The following F8 variants were observed in gnomAD, a reference collection of about 807,000 sequenced individuals.
F8 encodes the protein coagulation factor VIII, also known as antihemophilic factor.
F8 carries 12 observed loss-of-function variants against 140.6 expected under a neutral mutation model. The ratio of observed to expected loss-of-function variants is 0.09; its 90% CI spans 0.05 to 0.14. The LOEUF is 0.14. F8 is among the 10% of genes least tolerant of loss of function. F8 has a pLI of 1.00. For synonymous variants in F8, 585 were observed against 614.6 expected, an observed-to-expected ratio of 0.95 and a Z score of 0.71; for missense variants, 1,354 against 1,720.7, an observed-to-expected ratio of 0.79 and a Z score of 3.77.
chrX:154,935,624 C>G (rs1304421204), intron 13 of F8, among the ~76,000 whole-genome samples: 1 of 111,467 alleles, frequency 9.0e-6, no homozygotes, highest in Non-Finnish European at 1.9e-5. Flanking sequence ...TTGGGCTAGA[C>G]AAAGCCTTCC....
intron 14 of F8, among the ~76,000 whole-genome samples, chrX:154,910,518 C>G (rs1057249641): frequency 9.0e-6 from 1 of 111,583 alleles, no homozygotes; most frequent in African/African-American, 3.3e-5. Context: ...ACACGTGTAA[C>G]AAACCTGCAC....
intron 21 of F8, among the ~76,000 whole-genome samples, chrX:154,898,365 C>T (rs1445496062): frequency 8.9e-6 from 1 of 112,111 alleles, no homozygotes; most frequent in African/African-American, 3.2e-5. Context: ...GAAGATAAGG[C>T]GATTCAATAG....
At chrX:154,979,775 C>T (rs1202587690) in intron 6 of F8, among the ~76,000 whole-genome samples, 3 of 111,966 alleles carry the variant, frequency 2.7e-5, no homozygotes, top group Admixed American at 9.4e-5. Context: ...CATAGCAGGG[C>T]AGGATGTGTG....
At position 154,928,790 on chromosome X, in the gene F8, C is replaced by T. The variant is rs782342540; in HGVS notation, c.5000G>A (p.Arg1667Gln). 19 of 1,209,652 alleles carry T rather than the reference C, an allele frequency of 1.6e-5. No individual in the cohort carries two copies. In the East Asian group the frequency reaches 3.8e-4, roughly 24 times the overall value. Residue 1667 changes from arginine to glutamine, a missense_variant, in exon 14 of 26, where the codon CGG becomes CAG. This residue lies in a region of F8 where 658 missense variants were observed against 666.5 expected (regional missense o/e 0.99). Coordinates refer to ENST00000360256, the MANE Select transcript of F8 (RefSeq NM_000132.4). ...QNPPVLKRHQREITRTTLQSD... is the reference protein window; with the variant it reads ...QNPPVLKRHQQEITRTTLQSD... ...CTGAAGAGTAGTACGAGTTATTTCCCGTTGATGGCGTTTCAAGACTGGTGG... is the reference window on the plus strand; with the variant it reads ...CTGAAGAGTAGTACGAGTTATTTCCTGTTGATGGCGTTTCAAGACTGGTGG...
At chrX:154,908,302 T>A (rs2073048437) in intron 14 of F8, among the ~76,000 whole-genome samples, 1 of 112,583 alleles carries the variant, frequency 8.9e-6, no homozygotes, top group Admixed American at 9.4e-5. Context: ...TTTACCTGTT[T>A]GATTATCCCT....
intron 6 of F8, among the ~76,000 whole-genome samples, chrX:154,977,689 A>G (rs962741604): frequency 1.9e-5 from 2 of 107,981 alleles, no homozygotes; most frequent in Non-Finnish European, 3.8e-5. Context: ...CTATTTTTAA[A>G]TTTTTTTCTT....
chrX:154,876,062 AG>A (rs2072810059), intron 22 of F8, among the ~76,000 whole-genome samples: 1 of 109,742 alleles, frequency 9.1e-6, no homozygotes, highest in East Asian at 2.8e-4. Context: ...ACACTAAAAT[AG>A]GTATCAGTGT....
In F8 at chrX:154,863,235, G is replaced by C; in HGVS notation, c.6430-8C>G. On this transcript the variant is annotated splice_polypyrimidine_tract_variant and splice_region_variant and intron_variant, in intron 22 of 25. Transcript: ENST00000360256. ...CACATTGCCAAAGAAGACCTGTATG[G>C]AGAGATTAGCACAAATACATGGAAA... 8.3e-7 allele frequency: 1 copy of C among 1,205,816 alleles called. No homozygotes were observed. Among genetic ancestry groups the C allele is most frequent in the Non-Finnish European group, 1.1e-6 (1 of 889,965 alleles).
At position 154,939,918 on chromosome X, in the gene F8, C is replaced by A. The variant is rs1385916971; in HGVS notation, c.2113+7780G>T. Among the ~76,000 whole-genome samples the A allele has an allele frequency of 5.2e-4, 58 of 112,216 alleles. No homozygotes were observed. In the Admixed American group the frequency reaches 5.5e-3, roughly 11 times the overall value. On this transcript the variant is annotated intron_variant, in intron 13 of 25. Transcript: ENST00000360256. ...CCAGGCAAACAGGGTCTGGAGTGGA[C>A]CTCCAGCAAACTCCAACAGACCTGC...
chrX:154,994,423 T>C (rs1244835433), intron 3 of F8, among the ~76,000 whole-genome samples: 1 of 112,265 alleles, frequency 8.9e-6, no homozygotes, highest in Non-Finnish European at 1.9e-5. Flanking sequence ...CTCAAAGGCA[T>C]CCTTTGTAGC....
chrX:154,978,112 T>C (rs1172606812), intron 6 of F8, among the ~76,000 whole-genome samples: 2 of 110,300 alleles, frequency 1.8e-5, no homozygotes, highest in Non-Finnish European at 3.8e-5. Context: ...TGTTTGGTTC[T>C]TTTTTGATAT....
At chrX:154,985,303 G>A (rs782019298) in intron 5 of F8, among the ~76,000 whole-genome samples, 7 of 110,684 alleles carry the variant, frequency 6.3e-5, no homozygotes, top group Non-Finnish European at 9.5e-5. Context: ...GGGCATGGTG[G>A]CATGTGCCTG....
chrX:154,979,385 T>A (rs782491833), intron 6 of F8, among the ~76,000 whole-genome samples: 2 of 110,926 alleles, frequency 1.8e-5, no homozygotes, highest in Non-Finnish European at 3.8e-5. Context: ...CCCTGGATGA[T>A]ATGCTTGGGT....
chrX:154,856,010 C>T (rs2072648959), intron 25 of F8, among the ~76,000 whole-genome samples: 1 of 112,037 alleles, frequency 8.9e-6, no homozygotes, highest in Non-Finnish European at 1.9e-5. Context: ...AGATTCTGGA[C>T]TTAATGTTGC....
At chrX:154,916,381 A>C (rs1321439242) in intron 14 of F8, among the ~76,000 whole-genome samples, 1 of 111,867 alleles carries the variant, frequency 8.9e-6, no homozygotes, top group African/African-American at 3.2e-5. Context: ...AAATAGTTTC[A>C]GTATAATTGG....
At chrX:154,955,501 G>A (rs1557281119) in intron 11 of F8, among the ~76,000 whole-genome samples, 2 of 108,375 alleles carry the variant, frequency 1.8e-5, no homozygotes, top group African/African-American at 6.8e-5. Flanking sequence ...CTATATTGTG[G>A]GAACTAGCCC....
rs188783945 is a variant in F8 at position 154,863,235 on chromosome X, G to A, written c.6430-8C>T. Reference sequence around the variant, plus strand: ...CACATTGCCAAAGAAGACCTGTATGGAGAGATTAGCACAAATACATGGAAA... The same window carrying A: ...CACATTGCCAAAGAAGACCTGTATGAAGAGATTAGCACAAATACATGGAAA... On this transcript the variant is annotated splice_polypyrimidine_tract_variant and splice_region_variant and intron_variant, in intron 22 of 25. Coordinates refer to ENST00000360256, the MANE Select transcript of F8 (RefSeq NM_000132.4). 201 of 1,204,409 alleles carry A rather than the reference G, an allele frequency of 1.7e-4. No individual in the cohort carries two copies. Among genetic ancestry groups the A allele is most frequent in the East Asian group, 8.9e-5 (3 of 33,788 alleles).
At chrX:154,993,575 A>G (rs985477977) in intron 3 of F8, among the ~76,000 whole-genome samples, 2 of 111,916 alleles carry the variant, frequency 1.8e-5, no homozygotes, top group Admixed American at 9.5e-5. Context: ...TTAATTTGAA[A>G]AACTAACAAG....
chrX:154,893,242 C>T (rs1042106086), intron 22 of F8, among the ~76,000 whole-genome samples: 1 of 112,203 alleles, frequency 8.9e-6, no homozygotes, highest in Admixed American at 9.4e-5. Context: ...CCCTAAAATG[C>T]GTAAAACCAA....
Sources: gnomAD v4.1 joint callset for allele counts (sites outside exome capture counted in the v4.1 genomes callset) on GRCh38, gnomAD v4.1.1 for gene constraint, gnomAD v4.1.1 regional missense constraint, MANE v1.5 for transcripts, NCBI Gene and HGNC (gene_info 2026-07-23, HGNC 2026-07-21) for gene names.